CAB39: variants seen among roughly 807,000 people sequenced by gnomAD.
CAB39 encodes the protein calcium binding protein 39.
In CAB39, 8 loss-of-function variants were observed where a neutral mutation model predicts 40.0. That is an observed-to-expected ratio of 0.20 (90% CI 0.12 to 0.36). The LOEUF (loss-of-function observed/expected upper bound fraction) is 0.36. Among genes scored for constraint, CAB39 ranks in the 10% least tolerant of loss-of-function variants. CAB39 has a pLI of 1.00. For missense variants in CAB39, 270 were observed against 401.1 expected (o/e 0.67, Z 2.79); for synonymous variants, 156 against 141.6 (o/e 1.10, Z -0.72).
intron 1 of CAB39, among the ~76,000 whole-genome samples, chr2:230,719,245 A>G (rs1039548257): frequency 1.3e-5 from 2 of 152,210 alleles, no homozygotes; most frequent in Admixed American, 1.3e-4. Flanking sequence ...CCCCAACATC[A>G]TTGATGGGAA....
chr2:230,813,249 T>G (rs1696335345), intron 6 of CAB39, among the ~76,000 whole-genome samples: 1 of 152,206 alleles, frequency 6.6e-6, no homozygotes, highest in African/African-American at 2.4e-5. Flanking sequence ...TGCCTGTCAT[T>G]TCGGTTTTGT....
chr2:230,818,582 C>G lies in CAB39; in HGVS notation c.904C>G (p.Leu302Val). ...CATCCTCCTCAAGAACCAGGCCAAA[C>G]TCATAGAGTTCCTCAGCAAGTTTCA... Reference protein sequence around the residue: ...LDILLKNQAKLIEFLSKFQND... With the variant: ...LDILLKNQAKVIEFLSKFQND... The change falls in exon 9 of 9, where the codon CTC (leucine) becomes GTC (valine). Residue 302 changes from leucine (L) to valine (V), a missense_variant. By Grantham distance (32) the Leu-to-Val change is conservative (BLOSUM62 1). Coordinates refer to ENST00000258418, the MANE Select transcript of CAB39 (RefSeq NM_016289.4). 6.2e-7 allele frequency: 1 copy of G among 1,614,178 alleles called. No homozygotes were observed. Among genetic ancestry groups the G allele is most frequent in the Non-Finnish European group, 8.5e-7 (1 of 1,180,006 alleles).
At chr2:230,804,233 T>G (rs575506547) in intron 5 of CAB39, among the ~76,000 whole-genome samples, 28 of 152,290 alleles carry the variant, frequency 1.8e-4, no homozygotes, top group African/African-American at 6.3e-4. Context: ...TCCTTACACC[T>G]TATACAAAAC....
intron 1 of CAB39, among the ~76,000 whole-genome samples, chr2:230,747,851 G>C (rs946974635): frequency 2.0e-5 from 3 of 152,176 alleles, no homozygotes; most frequent in African/African-American, 7.2e-5. Context: ...TTCTCTGAGA[G>C]AGGTGGAACT....
At chr2:230,741,890 G>T (rs1190639346) in intron 1 of CAB39, among the ~76,000 whole-genome samples, 1 of 152,114 alleles carries the variant, frequency 6.6e-6, no homozygotes, top group Non-Finnish European at 1.5e-5. Flanking sequence ...TCTTACAGTG[G>T]ATTTGTTGAT....
At chr2:230,773,914 A>G (rs6436972) in intron 2 of CAB39, among the ~76,000 whole-genome samples, 54,913 of 152,000 alleles carry the variant, frequency 0.36, 13,798 homozygotes, top group African/African-American at 0.71. Context: ...AGAGGTATTG[A>G]CATGGACTAG....
intron 1 of CAB39, among the ~76,000 whole-genome samples, chr2:230,732,242 C>T (rs1027711234): frequency 1.2e-4 from 18 of 152,076 alleles, no homozygotes; most frequent in Admixed American, 2.6e-4. Context: ...CCACCACGCG[C>T]GGCTAATTTT....
chr2:230,718,391 G>C (rs1694389406), intron 1 of CAB39, among the ~76,000 whole-genome samples: 2 of 152,180 alleles, frequency 1.3e-5, no homozygotes, highest in Non-Finnish European at 2.9e-5. Context: ...GAGGCACTAG[G>C]AAGAAATACT....
At chr2:230,734,993 G>T (rs1694761087) in intron 1 of CAB39, among the ~76,000 whole-genome samples, 1 of 152,160 alleles carries the variant, frequency 6.6e-6, no homozygotes, top group Admixed American at 6.5e-5. Flanking sequence ...AATACTTGTT[G>T]ATTGGGTAGC....
intron 7 of CAB39, among the ~76,000 whole-genome samples, chr2:230,814,813 G>GA (rs1696372167): frequency 6.6e-6 from 1 of 152,168 alleles, no homozygotes; most frequent in Admixed American, 6.5e-5. Flanking sequence ...CCCTGCTGTA[G>GA]AAAGTTCTTA....
chr2:230,719,617 C>G (rs540670014), intron 1 of CAB39, among the ~76,000 whole-genome samples: 2 of 152,242 alleles, frequency 1.3e-5, no homozygotes, highest in South Asian at 4.2e-4. Flanking sequence ...AGATGGGAGG[C>G]CTGTGTTACA....
chr2:230,732,257 ATT>A (rs1694705947), intron 1 of CAB39, among the ~76,000 whole-genome samples: 1 of 151,806 alleles, frequency 6.6e-6, no homozygotes, highest in Non-Finnish European at 1.5e-5. Flanking sequence ...AATTTTTTGT[ATT>A]TTTTAGTGGA....
chr2:230,804,899 A>G (rs1290097917), intron 5 of CAB39, among the ~76,000 whole-genome samples: 2 of 152,210 alleles, frequency 1.3e-5, no homozygotes, highest in South Asian at 2.1e-4. Flanking sequence ...ATTACTGGGT[A>G]TATCCCCAAA....
chr2:230,717,762 C>T (rs527554345), intron 1 of CAB39, among the ~76,000 whole-genome samples: 6 of 152,192 alleles, frequency 3.9e-5, no homozygotes, highest in African/African-American at 1.2e-4. Context: ...TCTCACTGAG[C>T]TTCCCAGTCC....
At chr2:230,777,306 A>G (rs1170987218) in intron 2 of CAB39, among the ~76,000 whole-genome samples, 1 of 150,986 alleles carries the variant, frequency 6.6e-6, no homozygotes, top group Non-Finnish European at 1.5e-5. Context: ...TCTCTGGGGC[A>G]GATAAGTAAA....
At chr2:230,773,314 A>ATGTGTGTGTGTGTGTGTGTGTGTGTG (rs71052549) in intron 2 of CAB39, among the ~76,000 whole-genome samples, 2 of 132,632 alleles carry the variant, frequency 1.5e-5, no homozygotes, top group African/African-American at 3.1e-5. Context: ...ATATATATAT[A>ATGTGTGTGTGTGTGTGTGTGTGTGTG]TGTGTGTGTG....
At chr2:230,797,826 G>A (rs1209751319) in intron 4 of CAB39, among the ~76,000 whole-genome samples, 2 of 152,210 alleles carry the variant, frequency 1.3e-5, no homozygotes, top group East Asian at 3.8e-4. Flanking sequence ...GGACACTTGA[G>A]TAGAAGACTC....
chr2:230,785,379 G>C (rs1695771072), intron 2 of CAB39, among the ~76,000 whole-genome samples: 1 of 148,878 alleles, frequency 6.7e-6, no homozygotes, highest in African/African-American at 2.5e-5. Flanking sequence ...GGGCGCGTGG[G>C]CAGGGGGGCA....
intron 5 of CAB39, among the ~76,000 whole-genome samples, chr2:230,804,443 T>C (rs2124973362): frequency 6.6e-6 from 1 of 152,176 alleles, no homozygotes; most frequent in Non-Finnish European, 1.5e-5. Context: ...GAAACTACCA[T>C]CAGAGTGAAC....
Sources: allele counts gnomAD v4.1 joint callset (sites outside exome capture counted in the v4.1 genomes callset), GRCh38; gene constraint gnomAD v4.1.1; transcripts MANE v1.5; gene names NCBI Gene and HGNC (gene_info 2026-07-23, HGNC 2026-07-21).